Variants in ILRUN observed in about 807,000 individuals in gnomAD.
ILRUN encodes the protein inflammation and lipid regulator with UBA-like and NBR1-like domains, also known as protein ILRUN.
ILRUN carries 3 observed loss-of-function variants against 33.8 expected under a neutral mutation model. The ratio of observed to expected loss-of-function variants is 0.09; its 90% CI spans 0.04 to 0.23. The LOEUF (loss-of-function observed/expected upper bound fraction) is 0.23. ILRUN is among the 10% of genes least tolerant of loss of function. ILRUN has a pLI of 1.00. For synonymous variants in ILRUN, 124 were observed against 138.9 expected (o/e 0.89, Z 0.75); for missense variants, 210 against 375.1 (o/e 0.56, Z 3.64).
chr6:34,611,068 C>G (rs1264983323), intron 3 of ILRUN, among the ~76,000 whole-genome samples: 1 of 149,848 alleles, frequency 6.7e-6, no homozygotes, highest in Non-Finnish European at 1.5e-5. Context: ...CCTCTCCTTC[C>G]CTCTCCTTTC....
At chr6:34,684,912 T>A (rs1763481877) in intron 1 of ILRUN, among the ~76,000 whole-genome samples, 1 of 152,186 alleles carries the variant, frequency 6.6e-6, no homozygotes, top group African/African-American at 2.4e-5. Flanking sequence ...AATGTCAAGC[T>A]AAAGCTTGCT....
chr6:34,634,652 G>C (rs1484224659), intron 3 of ILRUN, among the ~76,000 whole-genome samples: 1 of 151,990 alleles, frequency 6.6e-6, no homozygotes, highest in Non-Finnish European at 1.5e-5. Flanking sequence ...ATAATAAGAG[G>C]ATACTACAAA....
At chr6:34,639,143 T>A (rs1016725131) in intron 3 of ILRUN, among the ~76,000 whole-genome samples, 1 of 152,194 alleles carries the variant, frequency 6.6e-6, no homozygotes, top group Admixed American at 6.5e-5. Flanking sequence ...GAGCACCCAA[T>A]AAGTTTCCTA....
At chr6:34,594,097 C>G (rs1165325311) in intron 4 of ILRUN, among the ~76,000 whole-genome samples, 1 of 152,216 alleles carries the variant, frequency 6.6e-6, no homozygotes, top group African/African-American at 2.4e-5. Context: ...AACATTCACT[C>G]TCTTCTGGGG....
rs1355641993 is a variant in ILRUN, at chr6:34,646,938, A to G, written c.314-140T>C. ...CTAACCACATATACCTAAGCCATAT[A>G]TTGTCTCACACAACTGATCAAAAGG... On this transcript the variant is annotated intron_variant, in intron 2 of 4. Transcript: ENST00000374023. This position sits in a 1 kb window ranked among gnomAD's most constrained non-coding sequence, Gnocchi z 4.9. 4 of 700,484 alleles carry G rather than the reference A, an allele frequency of 5.7e-6. No individual in the cohort carries two copies. Among genetic ancestry groups the G allele is most frequent in the Middle Eastern group, 8.1e-4 (2 of 2,472 alleles). The allele number at this position is 700,484 out of a possible 1,614,324, so 43.4% of individuals were successfully genotyped here.
At chr6:34,597,535 CT>C (rs1418568020) in intron 4 of ILRUN, among the ~76,000 whole-genome samples, 4 of 152,220 alleles carry the variant, frequency 2.6e-5, no homozygotes, top group African/African-American at 9.6e-5. Context: ...TTTCTGTCAA[CT>C]ACCCTTTCCT....
At chr6:34,647,991 G>A (rs936054951) in intron 2 of ILRUN, among the ~76,000 whole-genome samples, 1 of 152,164 alleles carries the variant, frequency 6.6e-6, no homozygotes, top group Non-Finnish European at 1.5e-5. Context: ...GAGCCATGGC[G>A]CCCAGCCGGT....
intron 4 of ILRUN, among the ~76,000 whole-genome samples, chr6:34,596,509 C>T (rs1280269392): frequency 6.6e-6 from 1 of 152,280 alleles, no homozygotes; most frequent in East Asian, 1.9e-4. Flanking sequence ...GATGGGATTT[C>T]ACCACGTTGG....
At chr6:34,683,477 T>TATATATACATATATATAC (rs1562033096) in intron 1 of ILRUN, among the ~76,000 whole-genome samples, 20 of 102,182 alleles carry the variant, frequency 2.0e-4, no homozygotes, top group African/African-American at 8.3e-4. Context: ...TATATACACA[T>TATATATACATATATATAC]ATATATATAC....
chr6:34,588,566 AC>A lies in ILRUN; in HGVS notation c.*1998del. 1 of 219,968 alleles carries A rather than the reference AC, an allele frequency of 4.5e-6. No homozygotes were observed. Among genetic ancestry groups the A allele is most frequent in the Non-Finnish European group, 8.9e-6 (1 of 112,570 alleles). 13.6% of individuals were successfully genotyped at this position (219,968 alleles called of 1,614,324 possible). A position where few individuals can be genotyped will look rare whatever the true frequency, so the allele number is the denominator to read the frequency against. On this transcript the variant is annotated 3_prime_UTR_variant, in exon 5 of 5. Coordinates refer to ENST00000374023, the MANE Select transcript of ILRUN (RefSeq NM_024294.4). ...AGTCTGGGCCTAATGAGGCCCTCAG[AC>A]AAAAAGCCATCCTGAGGCCTGTGGC...
chr6:34,655,345 C>T (rs915901751), intron 1 of ILRUN, among the ~76,000 whole-genome samples: 1 of 152,022 alleles, frequency 6.6e-6, no homozygotes, highest in South Asian at 2.1e-4. Flanking sequence ...CTCTTTTTTC[C>T]TCAACATACA....
intron 2 of ILRUN, among the ~76,000 whole-genome samples, chr6:34,647,276 T>A (rs1257514199): frequency 1.3e-5 from 2 of 152,230 alleles, no homozygotes; most frequent in Non-Finnish European, 2.9e-5. Context: ...AATGGTATTA[T>A]TCTCAATTTA....
Position 34,588,510 on chromosome 6 carries a change from A to C in ILRUN, c.*2055T>G, listed in dbSNP as rs1582023971. 2.5e-5 allele frequency: 8 copies of C among 316,002 alleles called. No individual in the cohort carries two copies. In the East Asian group the frequency reaches 3.9e-4, roughly 16 times the overall value. The allele number at this position is 316,002 out of a possible 1,614,324, so 19.6% of individuals were successfully genotyped here. A position where few individuals can be genotyped will look rare whatever the true frequency, so the allele number is the denominator to read the frequency against. ...GGGCATGCATGGGCTCCAGGGAGGC[A>C]GTGTCTCAGGAGACTGGTACCAGCA... On this transcript the variant is annotated 3_prime_UTR_variant, in exon 5 of 5. Coordinates refer to ENST00000374023, the MANE Select transcript of ILRUN (RefSeq NM_024294.4).
At chr6:34,696,341 T>TC (rs1763772681) in intron 1 of ILRUN, 105 bp downstream of exon 1, 1 of 1,264,502 alleles carries the variant, frequency 7.9e-7, no homozygotes, top group Admixed American at 2.6e-5. Context: ...GGGGTGGCCC[T>TC]CAGTACCCGC....
At chr6:34,629,498 T>C (rs991195904) in intron 3 of ILRUN, among the ~76,000 whole-genome samples, 46 of 152,220 alleles carry the variant, frequency 3.0e-4, no homozygotes, top group Admixed American at 2.9e-3. Flanking sequence ...TTCCACTCTC[T>C]TCTTGATTGC....
At position 34,640,864 on chromosome 6, in the gene ILRUN, A is replaced by T. The variant is rs554777189; in HGVS notation, c.511+5737T>A. On this transcript the variant is annotated intron_variant, in intron 3 of 4. Transcript: ENST00000374023. ...GGGAGGCTGAGGCAGGTGGATCACG[A>T]GGTCAAGAGTTCAAAACCAGCCTAG... 7.9e-5 allele frequency among the ~76,000 whole-genome samples: 12 copies of T among 152,102 alleles called. No homozygotes were observed. In the East Asian group the frequency reaches 2.3e-3, roughly 29 times the overall value.
intron 1 of ILRUN, among the ~76,000 whole-genome samples, chr6:34,659,935 A>AAG (rs2127369701): frequency 6.6e-6 from 1 of 152,150 alleles, no homozygotes; most frequent in African/African-American, 2.4e-5. Flanking sequence ...AGGCAGTCTT[A>AAG]GGAAGAAAAA....
intron 1 of ILRUN, among the ~76,000 whole-genome samples, chr6:34,690,889 G>T (rs778520052): frequency 5.9e-5 from 9 of 152,146 alleles, no homozygotes; most frequent in Non-Finnish European, 1.3e-4. Context: ...TATCTTAGAA[G>T]GGCTGGATGC....
At chr6:34,678,279 GA>G (rs1763282020) in intron 1 of ILRUN, among the ~76,000 whole-genome samples, 4 of 152,120 alleles carry the variant, frequency 2.6e-5, no homozygotes, top group Admixed American at 2.6e-4. Flanking sequence ...GACCTTGGGT[GA>G]TCCACCCGCC....
Sources: allele counts gnomAD v4.1 joint callset (sites outside exome capture counted in the v4.1 genomes callset), GRCh38; gene constraint gnomAD v4.1.1; non-coding constraint Gnocchi (gnomAD v3.1); transcripts MANE v1.5; gene names NCBI Gene and HGNC (gene_info 2026-07-23, HGNC 2026-07-21).